Variants in CTNNA2 observed in about 807,000 individuals in gnomAD.
The protein encoded by CTNNA2 is catenin alpha 2.
In CTNNA2, 42 loss-of-function variants were observed where a neutral mutation model predicts 101.0. That is an observed-to-expected ratio of 0.42 (90% confidence interval 0.32 to 0.54). The LOEUF is 0.54. Ranked by LOEUF, CTNNA2 falls within the 20% of genes least tolerant of loss-of-function variation. The pLI is 0.14. For synonymous variants in CTNNA2, 450 were observed against 456.4 expected, an observed-to-expected ratio of 0.99 and a Z score of 0.18; for missense variants, 871 against 1,223.1, an observed-to-expected ratio of 0.71 and a Z score of 4.29.
chr2:79,399,023 T>C (rs1678262369), intron 4 of CTNNA2, among the ~76,000 whole-genome samples: 1 of 152,088 alleles, frequency 6.6e-6, no homozygotes, highest in Non-Finnish European at 1.5e-5. Context: ...ATTTAGCCCA[T>C]CACATCCATC....
intron 6 of CTNNA2, among the ~76,000 whole-genome samples, chr2:79,888,005 A>G (rs1423496355): frequency 2.0e-5 from 3 of 152,180 alleles, no homozygotes; most frequent in East Asian, 1.9e-4. Flanking sequence ...ACATACTACA[A>G]TTTATATATG....
At chr2:80,074,996 G>A (rs1226950178) in intron 7 of CTNNA2, among the ~76,000 whole-genome samples, 1 of 152,074 alleles carries the variant, frequency 6.6e-6, no homozygotes, top group Non-Finnish European at 1.5e-5. Flanking sequence ...ATGAACATTT[G>A]ACCTTGATTC....
chr2:79,452,374 G>C (rs1206010853), intron 4 of CTNNA2, among the ~76,000 whole-genome samples: 5 of 151,682 alleles, frequency 3.3e-5, no homozygotes, highest in African/African-American at 1.2e-4. Context: ...TCCCGCCTCT[G>C]CTTGAAGGAA....
intron 3 of CTNNA2, among the ~76,000 whole-genome samples, chr2:79,766,981 C>A (rs1488956000): frequency 6.6e-6 from 1 of 151,938 alleles, no homozygotes; most frequent in Non-Finnish European, 1.5e-5. Context: ...ATCTTGAACT[C>A]CTGACCTCGT....
At chr2:79,775,247 G>A (rs954018445) in intron 3 of CTNNA2, among the ~76,000 whole-genome samples, 20 of 152,098 alleles carry the variant, frequency 1.3e-4, no homozygotes, top group Non-Finnish European at 1.0e-4. Context: ...CATTTTGGTT[G>A]TAGAGGATAC....
At chr2:79,528,369 G>T (rs901316545) in intron 1 of CTNNA2, among the ~76,000 whole-genome samples, 45 of 151,952 alleles carry the variant, frequency 3.0e-4, no homozygotes, top group African/African-American at 9.6e-4. Context: ...ATGCCACCAT[G>T]CTTGGCTGAT....
chr2:79,271,926 G>C (rs566404608), intron 2 of CTNNA2, among the ~76,000 whole-genome samples: 4 of 152,030 alleles, frequency 2.6e-5, no homozygotes, highest in African/African-American at 9.6e-5. Flanking sequence ...TATCGGCCTA[G>C]ATCATATTCT....
rs1443206150 is a variant in CTNNA2, at chr2:80,075,708, AT to A, written c.1056+165913del. On this transcript the variant is annotated intron_variant, in intron 7 of 18. Transcript: ENST00000402739. ...AAATAATATTTATACTTGTATAAAT[AT>A]TATAAAAATAATATTTATACTTGTA... 1.5e-3 allele frequency among the ~76,000 whole-genome samples: 127 copies of A among 84,642 alleles called. 1 individual carries two copies. The highest frequency in any genetic ancestry group is 5.6e-3 in the African/African-American group (105 of 18,596). The allele number at this position is 84,642 out of a possible 152,430, so 55.5% of individuals were successfully genotyped here.
intron 7 of CTNNA2, among the ~76,000 whole-genome samples, chr2:80,343,323 T>A (rs1363887515): frequency 6.6e-6 from 1 of 151,848 alleles, no homozygotes; most frequent in East Asian, 1.9e-4. Context: ...GAATAGATGT[T>A]CTCTTAAGAT....
At chr2:79,321,152 C>G (rs966523358) in intron 3 of CTNNA2, among the ~76,000 whole-genome samples, 6 of 150,566 alleles carry the variant, frequency 4.0e-5, no homozygotes, top group Non-Finnish European at 8.9e-5. Context: ...ATTTAATAAT[C>G]ACACCAACTT....
At chr2:79,956,149 G>T (rs1265885179) in intron 7 of CTNNA2, among the ~76,000 whole-genome samples, 1 of 152,058 alleles carries the variant, frequency 6.6e-6, no homozygotes, top group African/African-American at 2.4e-5. Context: ...GGTTGAATGG[G>T]AACCTCCCTG....
intron 7 of CTNNA2, among the ~76,000 whole-genome samples, chr2:79,984,470 C>A (rs1691618357): frequency 6.6e-6 from 1 of 152,164 alleles, no homozygotes; most frequent in Non-Finnish European, 1.5e-5. Context: ...CCACATTTTT[C>A]TTTACAAGGC....
chr2:79,294,160 C>T (rs1304156566), intron 2 of CTNNA2, among the ~76,000 whole-genome samples: 4 of 150,376 alleles, frequency 2.7e-5, no homozygotes, highest in East Asian at 3.9e-4. Flanking sequence ...TCTGTGTCCT[C>T]GCATGGCAGA....
chr2:79,914,327 A>G (rs538707323), intron 7 of CTNNA2, among the ~76,000 whole-genome samples: 1 of 152,324 alleles, frequency 6.6e-6, no homozygotes, highest in South Asian at 2.1e-4. Context: ...ATAAAAGACT[A>G]GAAAAATTTA....
At chr2:79,283,186 A>G (rs1675448690) in intron 2 of CTNNA2, among the ~76,000 whole-genome samples, 1 of 102,656 alleles carries the variant, frequency 9.7e-6, no homozygotes, top group African/African-American at 2.9e-5. Flanking sequence ...AGGTTGTGAA[A>G]ATTTTCTCCC....
At chr2:79,925,851 G>A (rs1307390902) in intron 7 of CTNNA2, among the ~76,000 whole-genome samples, 2 of 147,414 alleles carry the variant, frequency 1.4e-5, no homozygotes. Context: ...TTAAAATAAT[G>A]GCATTCTTTG....
At chr2:80,407,920 C>G (rs1326870954) in intron 8 of CTNNA2, among the ~76,000 whole-genome samples, 5 of 152,162 alleles carry the variant, frequency 3.3e-5, no homozygotes, top group Non-Finnish European at 7.4e-5. Context: ...ACACCGTTAT[C>G]CATAACTGGA....
intron 7 of CTNNA2, among the ~76,000 whole-genome samples, chr2:80,250,368 G>A (rs1205873681): frequency 6.6e-6 from 1 of 152,160 alleles, no homozygotes; most frequent in East Asian, 1.9e-4. Context: ...ATATAACCAG[G>A]AATTATTAGC....
intron 7 of CTNNA2, among the ~76,000 whole-genome samples, chr2:80,148,349 G>A (rs1283692963): frequency 6.6e-6 from 1 of 152,176 alleles, no homozygotes; most frequent in Non-Finnish European, 1.5e-5. Context: ...CAAGGAACTG[G>A]ATATTTACAA....
Sources: gnomAD v4.1 joint callset for allele counts (sites outside exome capture counted in the v4.1 genomes callset) on GRCh38, gnomAD v4.1.1 for gene constraint, MANE v1.5 for transcripts, NCBI Gene and HGNC (gene_info 2026-07-23, HGNC 2026-07-21) for gene names.